Variants in SCGB1A1 observed in about 807,000 individuals in gnomAD.
SCGB1A1 encodes secretoglobin family 1A member 1, also known as uteroglobin.
Under a neutral mutation model 7.5 loss-of-function variants are expected in SCGB1A1, and 8 were observed. That is an observed-to-expected ratio of 1.07 (90% CI 0.63 to 1.92). The LOEUF (loss-of-function observed/expected upper bound fraction) is 1.92. Among genes scored for constraint, SCGB1A1 ranks in the 30% most tolerant of loss-of-function variants. SCGB1A1 has a pLI of 0.00. For synonymous variants in SCGB1A1, 44 were observed against 40.8 expected (o/e 1.08, Z -0.30); for missense variants, 121 against 112.7 (o/e 1.07, Z -0.33).
chr11:62,422,248 A>C lies in SCGB1A1; in HGVS notation c.83A>C (p.Gln28Pro). 1.2e-6 allele frequency: 2 copies of C among 1,613,082 alleles called. No homozygotes were observed. Among genetic ancestry groups the C allele is most frequent in the Non-Finnish European group, 1.7e-6 (2 of 1,179,328 alleles). The change falls in exon 2 of 3, where the codon CAG (glutamine) becomes CCG (proline). Residue 28 changes from glutamine (Q) to proline (P), a missense_variant. Coordinates refer to ENST00000278282, the MANE Select transcript of SCGB1A1 (RefSeq NM_003357.5). ...TCTGCAGAGATCTGCCCGAGCTTTC[A>C]GCGTGTCATCGAAACCCTCCTCATG... ...SASAEICPSF[Q>P]RVIETLLMDT... is the part of the protein sequence containing the mutation.
intron 1 of SCGB1A1, among the ~76,000 whole-genome samples, chr11:62,420,965 A>T (rs1937774533): frequency 6.6e-6 from 1 of 151,816 alleles, no homozygotes; most frequent in Non-Finnish European, 1.5e-5. Context: ...AATAAAATTT[A>T]AATTAAATTA....
chr11:62,420,238 T>C (rs1937748530), intron 1 of SCGB1A1, among the ~76,000 whole-genome samples: 1 of 152,028 alleles, frequency 6.6e-6, no homozygotes, highest in African/African-American at 2.4e-5. Flanking sequence ...TGTGTGCACA[T>C]GCATACAATA....
At chr11:62,419,863 C>T (rs1288784009) in intron 1 of SCGB1A1, among the ~76,000 whole-genome samples, 2 of 152,152 alleles carry the variant, frequency 1.3e-5, no homozygotes, top group Admixed American at 6.5e-5. Context: ...CAAGATCCCC[C>T]GTCTTTGGGG....
At position 62,422,224 on chromosome 11, in the gene SCGB1A1, C is replaced by T. The variant is rs529991152; in HGVS notation, c.59C>T (p.Ser20Phe). ...CCTTCTCTCCTCTGTGTTGCAGCTT[C>T]TGCAGAGATCTGCCCGAGCTTTCAG... ...VTLALCCSSA[S>F]AEICPSFQRV... is the part of the protein sequence containing the mutation. Residue 20 changes from serine to phenylalanine, a missense_variant, in exon 2 of 3, where the codon TCT becomes TTT. Transcript: ENST00000278282. The T allele has an allele frequency of 1.2e-6, 2 of 1,609,796 alleles. No homozygotes were observed. Among genetic ancestry groups the T allele is most frequent in the East Asian group, 4.5e-5 (2 of 44,772 alleles).
rs776709421 is a variant in SCGB1A1, at chr11:62,423,066, T to A, written c.251T>A (p.Ile84Lys). Residue 84 changes from isoleucine (I) to lysine (K), a missense_variant, in exon 3 of 3, where the codon ATA becomes AAA. Transcript: ENST00000278282. ...TTTGTCTATTTGTTTTAGGAAAAAA[T>A]AGCCCAAAGCTCACTGTGTAATTAG... ...RESIIKLMEK[I>K]AQSSLCN 1 of 1,614,064 alleles carries A rather than the reference T, an allele frequency of 6.2e-7. No individual in the cohort carries two copies.
chr11:62,421,419 G>C (rs1010283174), intron 1 of SCGB1A1, among the ~76,000 whole-genome samples: 1 of 152,076 alleles, frequency 6.6e-6, no homozygotes, highest in Non-Finnish European at 1.5e-5. Flanking sequence ...GGCCAGGTTC[G>C]GGGGCCCATG....
At position 62,422,231 on chromosome 11, in the gene SCGB1A1, G is replaced by T; in HGVS notation, c.66G>T (p.Glu22Asp). Residue 22 changes from glutamate to aspartate, a missense_variant, in exon 2 of 3, where the codon GAG becomes GAT. Physicochemically the swap from Glu to Asp is conservative, Grantham distance 45. Transcript: ENST00000278282. Reference sequence around the variant, plus strand: ...TCCTCTGTGTTGCAGCTTCTGCAGAGATCTGCCCGAGCTTTCAGCGTGTCA... The same window carrying T: ...TCCTCTGTGTTGCAGCTTCTGCAGATATCTGCCCGAGCTTTCAGCGTGTCA... ...LALCCSSASA[E>D]ICPSFQRVIE... The T allele has an allele frequency of 6.2e-7, 1 of 1,611,768 alleles. No individual in the cohort carries two copies. Among genetic ancestry groups the T allele is most frequent in the Non-Finnish European group, 8.5e-7 (1 of 1,178,454 alleles).
At position 62,422,205 on chromosome 11, in the gene SCGB1A1, C is replaced by G; in HGVS notation, c.56-16C>G. The stretch of plus-strand genomic sequence containing the variant: ...AGGGGCCTGGAGACATGTGCCTTCT[C>G]TCCTCTGTGTTGCAGCTTCTGCAGA... On this transcript the variant is annotated splice_polypyrimidine_tract_variant and intron_variant, in intron 1 of 2. Coordinates refer to ENST00000278282, the MANE Select transcript of SCGB1A1 (RefSeq NM_003357.5). The G allele has an allele frequency of 5.7e-6, 9 of 1,591,610 alleles. No homozygotes were observed. The highest frequency in any genetic ancestry group is 6.9e-6 in the Non-Finnish European group (8 of 1,164,978).
rs554852194 is a variant in SCGB1A1 at position 62,422,038 on chromosome 11, C to T, written c.56-183C>T. 93 of 448,044 alleles carry T rather than the reference C, an allele frequency of 2.1e-4. No homozygotes were observed. In the East Asian group the frequency reaches 3.0e-3, roughly 14 times the overall value. 27.8% of individuals were successfully genotyped at this position (448,044 alleles called of 1,614,324 possible). A position where few individuals can be genotyped will look rare whatever the true frequency, so the allele number is the denominator to read the frequency against. ...AAGAAAAACGGCACCTTGCTCACCT[C>T]AACCCAAGAAGTCTAAGGAAGACTC... On this transcript the variant is annotated intron_variant, in intron 1 of 2. Coordinates refer to ENST00000278282, the MANE Select transcript of SCGB1A1 (RefSeq NM_003357.5).
chr11:62,420,546 T>C (rs962900174), intron 1 of SCGB1A1, among the ~76,000 whole-genome samples: 6 of 151,084 alleles, frequency 4.0e-5, no homozygotes, highest in African/African-American at 1.5e-4. Flanking sequence ...TCTCTTGACC[T>C]CGTGATCCAC....
At chr11:62,422,550 C>A in intron 2 of SCGB1A1, 142 bp downstream of exon 2, 14 of 398,254 alleles carry the variant, frequency 3.5e-5, no homozygotes, top group Non-Finnish European at 5.1e-5. Flanking sequence ...GCACAGTGAT[C>A]TTTCTAGACA....
chr11:62,422,094 A>G (rs530905918), intron 1 of SCGB1A1, 127 bp from the exon 2 acceptor site: 3 of 673,720 alleles, frequency 4.5e-6, no homozygotes, highest in Non-Finnish European at 7.3e-6. Flanking sequence ...ACTCTAGTCC[A>G]TCGATGAAAA....
At chr11:62,419,919 C>T (rs1937739204) in intron 1 of SCGB1A1, among the ~76,000 whole-genome samples, 1 of 152,174 alleles carries the variant, frequency 6.6e-6, no homozygotes, top group Non-Finnish European at 1.5e-5. Flanking sequence ...CAGCCTCTTC[C>T]ATTCTCATCT....
Position 62,423,115 on chromosome 11 carries a change from A to G in SCGB1A1, c.*24A>G, listed in dbSNP as rs369276185. ...AGCATTTAGAAGCTGAAGATCCCCAACTGCTCCAGCCTCTGCCGCTGCCAT... is the reference window on the plus strand; with the variant it reads ...AGCATTTAGAAGCTGAAGATCCCCAGCTGCTCCAGCCTCTGCCGCTGCCAT... On this transcript the variant is annotated 3_prime_UTR_variant, in exon 3 of 3. Transcript: ENST00000278282. 13 of 1,612,698 alleles carry G rather than the reference A, an allele frequency of 8.1e-6. No homozygotes were observed. Among genetic ancestry groups the G allele is most frequent in the African/African-American group, 5.3e-5 (4 of 74,966 alleles).
chr11:62,419,215 C>T, intron 1 of SCGB1A1, 65 bp downstream of exon 1: 1 of 1,270,512 alleles, frequency 7.9e-7, no homozygotes, highest in Non-Finnish European at 1.0e-6. Flanking sequence ...CCCAGTTCTG[C>T]TCAGAAGAAG....
intron 1 of SCGB1A1, 38 bp downstream of exon 1, chr11:62,419,188 A>G: frequency 7.1e-7 from 1 of 1,402,172 alleles, no homozygotes; most frequent in Non-Finnish European, 9.5e-7. Flanking sequence ...TCCTGGACTT[A>G]GGAACTCTCA....
At chr11:62,422,183 G>T in intron 1 of SCGB1A1, 38 bp from the exon 2 acceptor site, 1 of 1,563,144 alleles carries the variant, frequency 6.4e-7, no homozygotes. Flanking sequence ...CTTGGAAAGG[G>T]GCCTGGAGAC....
At position 62,423,140 on chromosome 11, in the gene SCGB1A1, T is replaced by C. The variant is rs777651412; in HGVS notation, c.*49T>C. ...ACTGCTCCAGCCTCTGCCGCTGCCA[T>C]GCTTTGAGTCCACGCCCACCAGCCT... On this transcript the variant is annotated 3_prime_UTR_variant, in exon 3 of 3. Coordinates refer to ENST00000278282, the MANE Select transcript of SCGB1A1 (RefSeq NM_003357.5). 2.3e-5 allele frequency: 36 copies of C among 1,581,608 alleles called. No individual in the cohort carries two copies. In the East Asian group the frequency reaches 7.6e-4, roughly 33 times the overall value.
intron 1 of SCGB1A1, among the ~76,000 whole-genome samples, chr11:62,419,958 C>G (rs1937740035): frequency 6.6e-6 from 1 of 152,162 alleles, no homozygotes; most frequent in African/African-American, 2.4e-5. Flanking sequence ...TTTTAATAAA[C>G]AAACTCCAAT....
Sources: gnomAD v4.1 joint callset for allele counts (sites outside exome capture counted in the v4.1 genomes callset) on GRCh38, gnomAD v4.1.1 for gene constraint, MANE v1.5 for transcripts, NCBI Gene and HGNC (gene_info 2026-07-23, HGNC 2026-07-21) for gene names.